Variants in AP3B1 observed in about 807,000 individuals in gnomAD.
AP3B1 encodes the protein AP-3 complex subunit beta-1.
AP3B1 carries 61 observed loss-of-function variants against 132.5 expected under a neutral mutation model. The observed-to-expected ratio is 0.46, with a 90% CI of 0.37 to 0.57. The LOEUF (loss-of-function observed/expected upper bound fraction) is 0.57. AP3B1 is among the 20% of genes least tolerant of loss of function. The pLI is 0.00. For missense variants in AP3B1, 1,120 were observed against 1,289.4 expected (o/e 0.87, Z 2.01); for synonymous variants, 388 against 438.3 (o/e 0.89, Z 1.43).
At chr5:78,202,551 C>CAG (rs1745338240) in intron 7 of AP3B1, among the ~76,000 whole-genome samples, 1 of 56,306 alleles carries the variant, frequency 1.8e-5, no homozygotes. Flanking sequence ...GCCATATATT[C>CAG]AGTGTGTGTG....
intron 19 of AP3B1, among the ~76,000 whole-genome samples, chr5:78,112,491 C>T (rs1486891346): frequency 6.6e-6 from 1 of 152,138 alleles, no homozygotes; most frequent in Non-Finnish European, 1.5e-5. Context: ...TAATACATGA[C>T]TACAAATTTT....
intron 22 of AP3B1, among the ~76,000 whole-genome samples, chr5:78,074,630 A>G (rs1469175205): frequency 1.3e-5 from 2 of 152,170 alleles, no homozygotes; most frequent in African/African-American, 2.4e-5. Flanking sequence ...TTAACTTTAT[A>G]AAATGGAAAA....
chr5:78,175,424 A>T (rs1270091655), intron 11 of AP3B1, among the ~76,000 whole-genome samples: 1 of 152,200 alleles, frequency 6.6e-6, no homozygotes, highest in African/African-American at 2.4e-5. Context: ...AGTTGTAGGT[A>T]GCATGGCTTA....
intron 2 of AP3B1, among the ~76,000 whole-genome samples, chr5:78,252,778 T>C (rs900679499): frequency 6.6e-6 from 1 of 152,192 alleles, no homozygotes; most frequent in African/African-American, 2.4e-5. Flanking sequence ...CAGAACTTCT[T>C]GACCCATCCG....
In AP3B1 at chr5:78,082,551, C is replaced by T. The variant is rs998946547; in HGVS notation, c.2577+6842G>A. Among the ~76,000 whole-genome samples, 3 of 152,134 alleles carry T rather than the reference C, an allele frequency of 2.0e-5. No individual in the cohort carries two copies. In the East Asian group the frequency reaches 5.8e-4, roughly 29 times the overall value. On this transcript the variant is annotated intron_variant, in intron 22 of 26. Coordinates refer to ENST00000255194, the MANE Select transcript of AP3B1 (RefSeq NM_003664.5). ...TATCTCCATTTTGTAAATTAAAAAA[C>T]GGAAGTTTACGCAAGTCAAAGAACT...
At chr5:78,108,212 A>G (rs1194936021) in intron 20 of AP3B1, among the ~76,000 whole-genome samples, 1 of 152,218 alleles carries the variant, frequency 6.6e-6, no homozygotes, top group East Asian at 1.9e-4. Flanking sequence ...AAGGCATATG[A>G]ATTTTCAGCA....
intron 2 of AP3B1, among the ~76,000 whole-genome samples, chr5:78,258,388 G>A (rs1055788732): frequency 3.9e-5 from 6 of 152,118 alleles, no homozygotes; most frequent in Non-Finnish European, 5.9e-5. Context: ...TTGAAAAGAC[G>A]TTACTCAAAA....
chr5:78,165,189 A>T (rs79044294), intron 12 of AP3B1, among the ~76,000 whole-genome samples: 3,786 of 152,256 alleles, frequency 0.025, 169 homozygotes, highest in African/African-American at 0.084. Flanking sequence ...TATGAAACAA[A>T]TTTTTTTGAG....
chr5:78,095,463 T>C (rs765517436), intron 21 of AP3B1, among the ~76,000 whole-genome samples: 1 of 152,218 alleles, frequency 6.6e-6, no homozygotes, highest in South Asian at 2.1e-4. Context: ...TGGAGAACCA[T>C]TGCAGGCTAA....
intron 25 of AP3B1, among the ~76,000 whole-genome samples, chr5:78,017,345 G>C (rs1360657931): frequency 6.6e-6 from 1 of 151,940 alleles, no homozygotes; most frequent in Non-Finnish European, 1.5e-5. Context: ...TATTGTTATA[G>C]GCAATTTGTA....
At chr5:78,056,309 C>T (rs252784) in intron 22 of AP3B1, among the ~76,000 whole-genome samples, 39,497 of 152,028 alleles carry the variant, frequency 0.26, 5,630 homozygotes, top group Admixed American at 0.4. Context: ...TAAAATGGGG[C>T]TAATCATACA....
At chr5:78,256,021 T>C (rs1433120353) in intron 2 of AP3B1, among the ~76,000 whole-genome samples, 1 of 151,558 alleles carries the variant, frequency 6.6e-6, no homozygotes, top group Non-Finnish European at 1.5e-5. Flanking sequence ...AGAAAGAAAC[T>C]GAAAAATCTA....
chr5:78,197,114 T>C (rs75692116), intron 7 of AP3B1, among the ~76,000 whole-genome samples: 2,144 of 152,216 alleles, frequency 0.014, 56 homozygotes, highest in African/African-American at 0.049. Context: ...GTAGAGGATA[T>C]ATAAGAAATC....
At chr5:78,054,135 T>C (rs1748706622) in intron 22 of AP3B1, among the ~76,000 whole-genome samples, 1 of 152,104 alleles carries the variant, frequency 6.6e-6, no homozygotes, top group South Asian at 2.1e-4. Context: ...AGGAGCAGGA[T>C]AGGCACAAGT....
At chr5:78,181,142 G>A (rs1460102177) in intron 8 of AP3B1, among the ~76,000 whole-genome samples, 1 of 152,030 alleles carries the variant, frequency 6.6e-6, no homozygotes, top group Admixed American at 6.5e-5. Flanking sequence ...TTATATAAGA[G>A]CTAATATAAT....
intron 21 of AP3B1, among the ~76,000 whole-genome samples, chr5:78,099,190 C>T (rs1299423346): frequency 6.6e-6 from 1 of 152,226 alleles, no homozygotes; most frequent in African/African-American, 2.4e-5. Context: ...TGATCTTGGA[C>T]TTCCCAGCCT....
chr5:78,249,161 C>A (rs1056650680), intron 2 of AP3B1, among the ~76,000 whole-genome samples: 1 of 151,974 alleles, frequency 6.6e-6, no homozygotes, highest in Admixed American at 6.6e-5. Context: ...TCGAGACCAG[C>A]CTGACCAACA....
intron 15 of AP3B1, among the ~76,000 whole-genome samples, chr5:78,138,219 A>T (rs900937266): frequency 6.6e-6 from 1 of 152,210 alleles, no homozygotes; most frequent in African/African-American, 2.4e-5. Context: ...TAATCCCAGC[A>T]CTTTGGGAGG....
At chr5:78,037,428 T>C (rs180746928) in intron 23 of AP3B1, among the ~76,000 whole-genome samples, 3 of 152,328 alleles carry the variant, frequency 2.0e-5, no homozygotes, top group East Asian at 3.9e-4. Flanking sequence ...TTAAATAGTG[T>C]CTTAATTATC....
Sources: gnomAD v4.1 joint callset for allele counts (sites outside exome capture counted in the v4.1 genomes callset) on GRCh38, gnomAD v4.1.1 for gene constraint, MANE v1.5 for transcripts, NCBI Gene and HGNC (gene_info 2026-07-23, HGNC 2026-07-21) for gene names.